Variants in ALPK1 observed in about 807,000 individuals in gnomAD.
The protein encoded by ALPK1 is alpha kinase 1.
ALPK1 carries 110 observed loss-of-function variants against 120.6 expected under a neutral mutation model. The observed-to-expected ratio is 0.91, with a 90% CI of 0.78 to 1.07. The LOEUF is 1.07. Ranked by LOEUF, ALPK1 falls within the 50% of genes least tolerant of loss-of-function variation. The pLI is 0.00. For missense variants in ALPK1, 1,498 were observed against 1,483.9 expected (o/e 1.01, Z -0.16); for synonymous variants, 582 against 560.3 (o/e 1.04, Z -0.55).
chr4:112,342,871 G>T (rs1229006936), intron 2 of ALPK1: 2 of 152,206 alleles, frequency 1.3e-5, no homozygotes, highest in African/African-American at 4.8e-5. Context: ...TCAGACTTGG[G>T]TACTTTAGAT....
intron 4 of ALPK1, among the ~76,000 whole-genome samples, chr4:112,389,963 C>T (rs1298449610): frequency 6.6e-6 from 1 of 152,192 alleles, no homozygotes; most frequent in Non-Finnish European, 1.5e-5. Flanking sequence ...ACTCCTGTTC[C>T]AGCTGCAGCT....
rs371549720 is a variant in ALPK1 at position 112,431,302 on chromosome 4, C to T, written c.1755C>T (p.Asn585=). ...SGSQTSSAWS[N]LSGFSSSASW... is the part of the protein sequence containing the mutation. ...GCCAGACTTCCAGTGCTTGGAGCAA[C>T]TTATCAGGGTTTAGTTCCTCTGCAA... Residue 585 remains asparagine (N), a synonymous_variant, in exon 11 of 16, where the codon AAC becomes AAT. Coordinates refer to ENST00000650871, the MANE Select transcript of ALPK1 (RefSeq NM_025144.4). 17 of 1,614,056 alleles carry T rather than the reference C, an allele frequency of 1.1e-5. No homozygotes were observed. Among genetic ancestry groups the T allele is most frequent in the Middle Eastern group, 1.6e-4 (1 of 6,084 alleles).
At chr4:112,349,269 T>C (rs1730227577) in intron 2 of ALPK1, among the ~76,000 whole-genome samples, 2 of 152,176 alleles carry the variant, frequency 1.3e-5, no homozygotes, top group African/African-American at 4.8e-5. Context: ...TGGAAAAATA[T>C]CAGGAACCTG....
intron 5 of ALPK1, among the ~76,000 whole-genome samples, chr4:112,413,555 A>C (rs1353874531): frequency 6.6e-6 from 1 of 152,104 alleles, no homozygotes; most frequent in Non-Finnish European, 1.5e-5. Context: ...AGTAGCTGAG[A>C]CTTTAGGCAT....
chr4:112,316,235 CT>C (rs1190601168), intron 2 of ALPK1: 1 of 152,216 alleles, frequency 6.6e-6, no homozygotes, highest in Non-Finnish European at 1.5e-5. Context: ...CACCATTCTC[CT>C]CTCTGTGTCT....
rs1734518226 is a variant in ALPK1, at chr4:112,430,992, A to G, written c.1445A>G (p.Lys482Arg). ...TGTGGAAACAACAAAAATGAACAGA[A>G]AGATGCAAAAACAGGAGTCTGCATC... ...SDCGNNKNEQKDAKTGVCITA... is the reference protein window; with the variant it reads ...SDCGNNKNEQRDAKTGVCITA... Residue 482 changes from lysine (K) to arginine (R), a missense_variant, in exon 11 of 16, where the codon AAA (lysine) becomes AGA (arginine). Physicochemically the swap from Lys to Arg is conservative, Grantham distance 26 (BLOSUM62 2). Transcript: ENST00000650871. The G allele has an allele frequency of 6.2e-7, 1 of 1,613,524 alleles. No homozygotes were observed. Among genetic ancestry groups the G allele is most frequent in the African/African-American group, 1.3e-5 (1 of 74,892 alleles).
rs1316378111 is a variant in ALPK1, at chr4:112,377,728, A to G, written c.-50A>G. The stretch of plus-strand genomic sequence containing the variant: ...TTATTGAGAATCAATGTCTTCTCCT[A>G]GGTAATTGATCACCCTAGACCCAGG... On this transcript the variant is annotated 5_prime_UTR_variant, in exon 3 of 16. It removes the in-frame stop codon of an upstream open reading frame in the 5' UTR. Transcript: ENST00000650871. The G allele has an allele frequency of 2.0e-6, 3 of 1,482,984 alleles. No individual in the cohort carries two copies. The highest frequency in any genetic ancestry group is 2.7e-6 in the Non-Finnish European group (3 of 1,101,278). The allele number at this position is 1,482,984 out of a possible 1,614,324, so 91.9% of individuals were successfully genotyped here. A position where few individuals can be genotyped will look rare whatever the true frequency, so the allele number is the denominator to read the frequency against.
rs144403275 is a variant in ALPK1, at chr4:112,328,237, G to C, written c.-101+12385G>C. 5.5e-3 allele frequency among the ~76,000 whole-genome samples: 831 copies of C among 152,316 alleles called. 8 individuals are homozygous for C. The highest frequency in any genetic ancestry group is 0.018 in the African/African-American group (767 of 41,564). Reference sequence around the variant, plus strand: ...TGTCTGTGGGCAAGAGCCCACTCGCGGTCATGCCCACTGTTGTGGGACTAG... The same window carrying C: ...TGTCTGTGGGCAAGAGCCCACTCGCCGTCATGCCCACTGTTGTGGGACTAG... On this transcript the variant is annotated intron_variant, in intron 2 of 15. Transcript: ENST00000650871.
chr4:112,428,697 GA>G (rs771442301), intron 9 of ALPK1, among the ~76,000 whole-genome samples: 20 of 152,140 alleles, frequency 1.3e-4, no homozygotes, highest in Non-Finnish European at 2.6e-4. Context: ...CCCCACAACA[GA>G]AAGTAAGCTC....
chr4:112,386,870 T>G (rs773847109), intron 4 of ALPK1, among the ~76,000 whole-genome samples: 50 of 152,302 alleles, frequency 3.3e-4, no homozygotes, highest in Non-Finnish European at 6.0e-4. Context: ...AAATAAAATT[T>G]CAAGGGAAAG....
chr4:112,299,769 AT>A (rs1409777969), intron 1 of ALPK1, among the ~76,000 whole-genome samples: 5 of 152,326 alleles, frequency 3.3e-5, no homozygotes, highest in African/African-American at 1.2e-4. Flanking sequence ...CTGTAGCCTA[AT>A]AAACTATTAT....
chr4:112,299,152 T>C (rs759521501), intron 1 of ALPK1, among the ~76,000 whole-genome samples: 11 of 152,112 alleles, frequency 7.2e-5, no homozygotes, highest in Non-Finnish European at 1.3e-4. Context: ...TTATTGATGG[T>C]GACAACTGTT....
chr4:112,425,173 G>A (rs1734181749), intron 6 of ALPK1: 1 of 154,028 alleles, frequency 6.5e-6, no homozygotes, highest in South Asian at 2.0e-4. Flanking sequence ...TGGTACATGT[G>A]TGCAGTCATC....
chr4:112,402,944 A>G (rs955711022), intron 4 of ALPK1, among the ~76,000 whole-genome samples: 1 of 152,154 alleles, frequency 6.6e-6, no homozygotes, highest in African/African-American at 2.4e-5. Context: ...AAACAAAAAG[A>G]ATCCTGAATC....
chr4:112,391,112 A>G (rs918164819), intron 4 of ALPK1, among the ~76,000 whole-genome samples: 2 of 152,228 alleles, frequency 1.3e-5, no homozygotes, highest in African/African-American at 4.8e-5. Context: ...TCCCTCTGAA[A>G]GGAATATACC....
chr4:112,356,957 G>A lies in ALPK1; in HGVS notation c.-100-20721G>A, dbSNP rs1730653935. On this transcript the variant is annotated intron_variant, in intron 2 of 15. Coordinates refer to ENST00000650871, the MANE Select transcript of ALPK1 (RefSeq NM_025144.4). ...CCCCCATGACCCGAGTTCGGGACTG[G>A]ACGTCATAGACCAGGTGCTGGAGGA... 3.9e-6 allele frequency: 3 copies of A among 765,232 alleles called. No homozygotes were observed. In the East Asian group the frequency reaches 7.4e-5, roughly 19 times the overall value. 47.4% of individuals were successfully genotyped at this position (765,232 alleles called of 1,614,324 possible).
intron 4 of ALPK1, among the ~76,000 whole-genome samples, chr4:112,409,629 C>T (rs893334642): frequency 5.9e-5 from 9 of 151,932 alleles, no homozygotes; most frequent in East Asian, 3.9e-4. Flanking sequence ...AGAGAAGTAA[C>T]GACAAATTGC....
chr4:112,342,059 T>C (rs1729885728), intron 2 of ALPK1, among the ~76,000 whole-genome samples: 1 of 152,170 alleles, frequency 6.6e-6, no homozygotes, highest in African/African-American at 2.4e-5. Flanking sequence ...AATTGAATCA[T>C]TAAAAAAATC....
At chr4:112,312,597 C>G (rs1004426025) in intron 1 of ALPK1, among the ~76,000 whole-genome samples, 3 of 152,162 alleles carry the variant, frequency 2.0e-5, no homozygotes, top group African/African-American at 7.2e-5. Flanking sequence ...ATATTAAAGA[C>G]AAATACAGCA....
Sources: gnomAD v4.1 joint callset for allele counts (sites outside exome capture counted in the v4.1 genomes callset) on GRCh38, gnomAD v4.1.1 for gene constraint, MANE v1.5 for transcripts, NCBI Gene and HGNC (gene_info 2026-07-23, HGNC 2026-07-21) for gene names.